Variants in ATP1B1 observed in about 807,000 individuals in gnomAD.
The protein encoded by ATP1B1 is sodium/potassium-transporting ATPase subunit beta-1.
Under a neutral mutation model 39.6 loss-of-function variants are expected in ATP1B1, and 3 were observed. The ratio of observed to expected loss-of-function variants is 0.08; its 90% CI spans 0.03 to 0.20. The LOEUF (loss-of-function observed/expected upper bound fraction) is 0.20, where lower values mean the gene tolerates loss of function less well. ATP1B1 is among the 10% of genes least tolerant of loss of function. The probability of loss-of-function intolerance (pLI) is 1.00; values close to 1 mark genes in which losing one functional copy is unlikely to be tolerated. For missense variants in ATP1B1, 216 were observed against 371.1 expected (o/e 0.58, Z 3.43); for synonymous variants, 139 against 135.0 (o/e 1.03, Z -0.20).
intron 2 of ATP1B1, among the ~76,000 whole-genome samples, chr1:169,115,185 C>CA (rs35200858): frequency 0.055 from 4,322 of 78,790 alleles, 142 homozygotes; most frequent in East Asian, 0.19. Flanking sequence ...GACTCCATCT[C>CA]AAAAAAAAAA....
intron 5 of ATP1B1, among the ~76,000 whole-genome samples, chr1:169,130,703 G>A (rs7416619): frequency 0.54 from 81,097 of 149,340 alleles, 22,771 homozygotes; most frequent in East Asian, 0.82. Flanking sequence ...GAATCGCTTG[G>A]ACCTGGGAGG....
intron 2 of ATP1B1, among the ~76,000 whole-genome samples, chr1:169,122,479 A>T (rs904532108): frequency 1.9e-4 from 29 of 152,168 alleles, no homozygotes; most frequent in African/African-American, 7.0e-4. Flanking sequence ...TCTCTTTACA[A>T]TACTGCTGTT....
At chr1:169,129,558 G>GC (rs1658160221) in intron 4 of ATP1B1, among the ~76,000 whole-genome samples, 1 of 152,208 alleles carries the variant, frequency 6.6e-6, no homozygotes, top group South Asian at 2.1e-4. Flanking sequence ...AAGCCTACTT[G>GC]AAGTCATGCT....
intron 4 of ATP1B1, 38 bp from the exon 5 acceptor site, chr1:169,129,972 A>G (rs779575928): frequency 6.3e-7 from 1 of 1,592,994 alleles, no homozygotes; most frequent in South Asian, 1.1e-5. Flanking sequence ...TTAAGAAATC[A>G]TTTACAATCT....
At chr1:169,121,082 G>A (rs1657972564) in intron 2 of ATP1B1, among the ~76,000 whole-genome samples, 1 of 151,822 alleles carries the variant, frequency 6.6e-6, no homozygotes, top group Non-Finnish European at 1.5e-5. Flanking sequence ...CAAGTAGCTG[G>A]GATTACAGGC....
rs2101797592 is a variant in ATP1B1, at chr1:169,132,210, A to G, written c.*655A>G. Reference sequence around the variant, plus strand: ...AAATTTTAAGTGACACTACAGAAAAACACAAAAAGGTGATGGGTTGTGTTA... The same window carrying G: ...AAATTTTAAGTGACACTACAGAAAAGCACAAAAAGGTGATGGGTTGTGTTA... On this transcript the variant is annotated 3_prime_UTR_variant, in exon 6 of 6. Transcript: ENST00000367815. The G allele has an allele frequency of 1.5e-6, 1 of 664,214 alleles. No homozygotes were observed. Among genetic ancestry groups the G allele is most frequent in the Non-Finnish European group, 2.8e-6 (1 of 358,266 alleles). 41.1% of individuals were successfully genotyped at this position (664,214 alleles called of 1,614,324 possible).
Position 169,124,911 on chromosome 1 carries a change from A to C in ATP1B1, c.254A>C (p.Lys85Thr), listed in dbSNP as rs1658055540. Residue 85 changes from lysine to threonine, a missense_variant, in exon 3 of 6, where the codon AAG (lysine) becomes ACG (threonine). Physicochemically the swap from Lys to Thr is moderately conservative, Grantham distance 78 (BLOSUM62 -1). Coordinates refer to ENST00000367815, the MANE Select transcript of ATP1B1 (RefSeq NM_001677.4). ...TTAACACAGATTCCTCAGATCCAGA[A>C]GACTGAAATTTCCTTTCGTCCTAAT... is the stretch of plus-strand genomic sequence containing the variant. ...PGLTQIPQIQ[K>T]TEISFRPNDP... 6.2e-7 allele frequency: 1 copy of C among 1,613,908 alleles called. No homozygotes were observed. The highest frequency in any genetic ancestry group is 8.5e-7 in the Non-Finnish European group (1 of 1,179,964).
chr1:169,130,227 G>T, intron 5 of ATP1B1, 137 bp downstream of exon 5: 1 of 739,518 alleles, frequency 1.4e-6, no homozygotes. Context: ...ATAAGTCTCA[G>T]TGAGATGAAT....
chr1:169,112,208 T>C (rs1286719309), intron 2 of ATP1B1, among the ~76,000 whole-genome samples: 1 of 152,246 alleles, frequency 6.6e-6, no homozygotes. Flanking sequence ...AAAAAGATTA[T>C]CATAAGAAAT....
rs377138020 is a variant in ATP1B1 at position 169,126,232 on chromosome 1, G to A, written c.383-992G>A. On this transcript the variant is annotated intron_variant, in intron 3 of 5. Transcript: ENST00000367815. ...TCATCTTACTTTGCAGTAATTAAAA[G>A]GCCTGAGGGATAATCAGGGTGAATC... Among the ~76,000 whole-genome samples, 13 of 152,256 alleles carry A rather than the reference G, an allele frequency of 8.5e-5. No individual in the cohort carries two copies. In the South Asian group the frequency reaches 2.7e-3, roughly 32 times the overall value.
At chr1:169,119,270 C>A (rs774233331) in intron 2 of ATP1B1, among the ~76,000 whole-genome samples, 12 of 151,922 alleles carry the variant, frequency 7.9e-5, no homozygotes, top group South Asian at 6.2e-4. Context: ...ATGATTTCTG[C>A]CTCTTCAAGT....
At position 169,132,031 on chromosome 1, in the gene ATP1B1, T is replaced by TTG. The variant is rs1553237608; in HGVS notation, c.*477_*478insGT. On this transcript the variant is annotated 3_prime_UTR_variant, in exon 6 of 6. Transcript: ENST00000367815. The stretch of plus-strand genomic sequence containing the variant: ...AACTGGCATGGTAATTTTTTTTTTT[T>TTG]TTTTTTTTTTGTTTTTTGGCTCTTT... The TTG allele has an allele frequency of 3.9e-6, 1 of 258,206 alleles. No homozygotes were observed. Among genetic ancestry groups the TTG allele is most frequent in the Admixed American group, 5.2e-5 (1 of 19,186 alleles). 16.0% of individuals were successfully genotyped at this position (258,206 alleles called of 1,614,324 possible).
chr1:169,120,406 G>C (rs1346028652), intron 2 of ATP1B1, among the ~76,000 whole-genome samples: 1 of 152,184 alleles, frequency 6.6e-6, no homozygotes, highest in Non-Finnish European at 1.5e-5. Context: ...TCAGACTCCA[G>C]AGGGAAACAT....
intron 1 of ATP1B1, among the ~76,000 whole-genome samples, chr1:169,108,932 A>T (rs2101771760): frequency 6.6e-6 from 1 of 152,340 alleles, no homozygotes; most frequent in Admixed American, 6.5e-5. Context: ...TAGGTAGAAA[A>T]GGCGGCAGCA....
Position 169,127,247 on chromosome 1 carries a change from C to A in ATP1B1, c.406C>A (p.Arg136=), listed in dbSNP as rs770676350. Reference sequence around the variant, plus strand: ...AGATGTGCCCAGTGAACCGAAAGAACGAGGAGACTTTAATCATGAACGAGG... The same window carrying A: ...AGATGTGCCCAGTGAACCGAAAGAAAGAGGAGACTTTAATCATGAACGAGG... The part of the protein sequence containing the change: ...CGDVPSEPKE[R]GDFNHERGER... Residue 136 remains arginine (R), a synonymous_variant, in exon 4 of 6, where the codon CGA becomes AGA. Transcript: ENST00000367815. The A allele has an allele frequency of 1.3e-6, 2 of 1,585,156 alleles. No individual in the cohort carries two copies. The highest frequency in any genetic ancestry group is 3.9e-5 in the Admixed American group (2 of 51,712).
chr1:169,107,586 G>A (rs962439647), intron 1 of ATP1B1, among the ~76,000 whole-genome samples: 1 of 152,128 alleles, frequency 6.6e-6, no homozygotes, highest in African/African-American at 2.4e-5. Flanking sequence ...TTGTTTTCAA[G>A]GTCTACACAG....
intron 2 of ATP1B1, among the ~76,000 whole-genome samples, chr1:169,121,035 C>T (rs1234440811): frequency 6.6e-6 from 1 of 150,384 alleles, no homozygotes; most frequent in Non-Finnish European, 1.5e-5. Flanking sequence ...GCAACCTCTG[C>T]CTCTTGGGCT....
intron 2 of ATP1B1, among the ~76,000 whole-genome samples, chr1:169,114,976 A>C (rs986249152): frequency 6.6e-6 from 1 of 152,070 alleles, no homozygotes; most frequent in Non-Finnish European, 1.5e-5. Context: ...TGAGGTCAGG[A>C]GATCGAGACC....
chr1:169,116,989 C>T (rs575088130), intron 2 of ATP1B1, among the ~76,000 whole-genome samples: 18 of 152,292 alleles, frequency 1.2e-4, no homozygotes, highest in South Asian at 4.1e-4. Context: ...TTCCACCCCC[C>T]GCAAACTACC....
Sources: gnomAD v4.1 joint callset for allele counts (sites outside exome capture counted in the v4.1 genomes callset) on GRCh38, gnomAD v4.1.1 for gene constraint, MANE v1.5 for transcripts, NCBI Gene and HGNC (gene_info 2026-07-23, HGNC 2026-07-21) for gene names.